POLD3: variants seen among roughly 807,000 people sequenced by gnomAD.
POLD3 encodes the protein DNA polymerase delta 3, accessory subunit.
Under a neutral mutation model 58.2 loss-of-function variants are expected in POLD3, and 19 were observed. The observed-to-expected ratio is 0.33, with a 90% CI of 0.23 to 0.48. The LOEUF is 0.48. Among genes scored for constraint, POLD3 ranks in the 20% least tolerant of loss-of-function variants. The pLI is 0.99. For synonymous variants in POLD3, 172 were observed against 193.5 expected, an observed-to-expected ratio of 0.89 and a Z score of 0.92; for missense variants, 504 against 545.5, an observed-to-expected ratio of 0.92 and a Z score of 0.76.
At chr11:74,651,003 C>G (rs773517902) in intron 4 of POLD3, among the ~76,000 whole-genome samples, 4 of 152,174 alleles carry the variant, frequency 2.6e-5, no homozygotes, top group Non-Finnish European at 4.4e-5. Flanking sequence ...CACTTGGACG[C>G]AGAAAGCACG....
intron 10 of POLD3, among the ~76,000 whole-genome samples, chr11:74,635,886 C>G (rs889043249): frequency 6.6e-6 from 1 of 152,164 alleles, no homozygotes; most frequent in Non-Finnish European, 1.5e-5. Context: ...GGTCCTTATC[C>G]TATATGTCTT....
intron 11 of POLD3, among the ~76,000 whole-genome samples, chr11:74,637,692 A>G (rs757343076): frequency 2.5e-4 from 38 of 152,098 alleles, no homozygotes; most frequent in Non-Finnish European, 5.0e-4. Flanking sequence ...TTTGTTTAAA[A>G]TATAGTACTC....
At chr11:74,623,250 G>A (rs750120770) in intron 7 of POLD3, among the ~76,000 whole-genome samples, 23 of 151,988 alleles carry the variant, frequency 1.5e-4, no homozygotes, top group Non-Finnish European at 3.2e-4. Context: ...TGGCTAACAC[G>A]GTGAAACCCC....
At chr11:74,598,070 A>G (rs2031341550) in intron 2 of POLD3, among the ~76,000 whole-genome samples, 1 of 152,164 alleles carries the variant, frequency 6.6e-6, no homozygotes, top group Non-Finnish European at 1.5e-5. Context: ...CTATCTCTAA[A>G]AGAGAAAGAG....
At chr11:74,665,378 G>C (rs1176462464) in intron 4 of POLD3, among the ~76,000 whole-genome samples, 38 of 135,756 alleles carry the variant, frequency 2.8e-4, no homozygotes, top group African/African-American at 1.0e-3. Flanking sequence ...ACAAAATCTA[G>C]CACCCTTTTA....
intron 9 of POLD3, 45 bp from the exon 10 acceptor site, chr11:74,634,538 A>T (rs772110465): frequency 2.0e-6 from 2 of 1,016,828 alleles, no homozygotes; most frequent in Non-Finnish European, 3.1e-6. Context: ...TTTATACCAG[A>T]TAGTGCTTGT....
Position 74,613,019 on chromosome 11 carries a change from C to T in POLD3, c.392+9C>T. On this transcript the variant is annotated intron_variant, in intron 5 of 11. Transcript: ENST00000263681. ...TTGCAGAACTGCAGCAAGTAAGCGT[C>T]TTAATGTTCCTTGTGGGCTTCTTTA... is the stretch of plus-strand genomic sequence containing the variant. 1 of 1,605,298 alleles carries T rather than the reference C, an allele frequency of 6.2e-7. No individual in the cohort carries two copies. The highest frequency in any genetic ancestry group is 2.2e-5 in the East Asian group (1 of 44,794).
In POLD3 at chr11:74,611,465, C is replaced by T. The variant is rs772205054; in HGVS notation, c.220-34C>T. ...AGGAAACTAAAATTGCAGATTCTTA[C>T]ATTAAGCACTAATAAAGTGTTATTT... On this transcript the variant is annotated intron_variant, in intron 3 of 11. Coordinates refer to ENST00000263681, the MANE Select transcript of POLD3 (RefSeq NM_006591.3). The T allele has an allele frequency of 7.4e-6, 10 of 1,354,784 alleles. No homozygotes were observed. The East Asian group carries it at 2.1e-4, about 29-fold the overall frequency. The allele number at this position is 1,354,784 out of a possible 1,614,324, so 83.9% of individuals were successfully genotyped here.
chr11:74,619,829 C>A (rs550383183), intron 6 of POLD3, among the ~76,000 whole-genome samples, 188 bp from the exon 7 acceptor site: 16 of 152,236 alleles, frequency 1.1e-4, no homozygotes, highest in African/African-American at 3.9e-4. Flanking sequence ...GAGATTAACA[C>A]CAGTTACTGT....
rs916747269 is a variant in POLD3, at chr11:74,641,467, A to G, written c.*701A>G. The stretch of plus-strand genomic sequence containing the variant: ...AGCCTCAGGCAGAACACAAATAGAA[A>G]TTTAATGATGTGTTCAACTCCACCA... On this transcript the variant is annotated 3_prime_UTR_variant, in exon 12 of 12. Coordinates refer to ENST00000263681, the MANE Select transcript of POLD3 (RefSeq NM_006591.3). 1.0e-6 allele frequency: 1 copy of G among 985,316 alleles called. No homozygotes were observed. The highest frequency in any genetic ancestry group is 1.7e-5 in the African/African-American group (1 of 57,204). The allele number at this position is 985,316 out of a possible 1,614,324, so 61.0% of individuals were successfully genotyped here. A position where few individuals can be genotyped will look rare whatever the true frequency, so the allele number is the denominator to read the frequency against.
At chr11:74,606,640 T>G (rs1010590384) in intron 3 of POLD3, among the ~76,000 whole-genome samples, 1 of 152,212 alleles carries the variant, frequency 6.6e-6, no homozygotes, top group Non-Finnish European at 1.5e-5. Context: ...ACTGACCCAT[T>G]ATAACAGGGG....
At position 74,640,989 on chromosome 11, in the gene POLD3, GCA is replaced by G. The variant is rs569013719; in HGVS notation, c.*226_*227del. The G allele has an allele frequency of 1.3e-4, 160 of 1,230,606 alleles. No homozygotes were observed. In the African/African-American group the frequency reaches 2.3e-3, roughly 17 times the overall value. The allele number at this position is 1,230,606 out of a possible 1,614,324, so 76.2% of individuals were successfully genotyped here. A position where few individuals can be genotyped will look rare whatever the true frequency, so the allele number is the denominator to read the frequency against. ...GTTACCTTCTAATGACATTTAAAAA[GCA>G]CAGTCTTTGACCTGTCCAGGAGAAG... On this transcript the variant is annotated 3_prime_UTR_variant, in exon 12 of 12. Coordinates refer to ENST00000263681, the MANE Select transcript of POLD3 (RefSeq NM_006591.3).
In POLD3 at chr11:74,641,144, T is replaced by G; in HGVS notation, c.*378T>G. On this transcript the variant is annotated 3_prime_UTR_variant, in exon 12 of 12. Transcript: ENST00000263681. ...ATGGCACAGGAATTATTCCTTCTTG[T>G]TCCTCTGTATTCTAAGAATTCATGT... 2.0e-6 allele frequency: 2 copies of G among 991,244 alleles called. No homozygotes were observed. Among genetic ancestry groups the G allele is most frequent in the Non-Finnish European group, 2.4e-6 (2 of 833,932 alleles). The allele number at this position is 991,244 out of a possible 1,614,324, so 61.4% of individuals were successfully genotyped here. A position where few individuals can be genotyped will look rare whatever the true frequency, so the allele number is the denominator to read the frequency against.
chr11:74,618,466 TTTC>T (rs1007053670), intron 5 of POLD3, 68 bp from the exon 6 acceptor site: 11 of 1,132,838 alleles, frequency 9.7e-6, no homozygotes, highest in Non-Finnish European at 1.3e-5. Flanking sequence ...TAGTTTTTTT[TTTC>T]TTTTTTTGTT....
intron 9 of POLD3, among the ~76,000 whole-genome samples, chr11:74,631,820 A>G (rs1174552306): frequency 6.6e-6 from 1 of 151,988 alleles, no homozygotes; most frequent in Non-Finnish European, 1.5e-5. Flanking sequence ...ACAAGTTCAG[A>G]TAGTTTTCTT....
intron 11 of POLD3, among the ~76,000 whole-genome samples, chr11:74,636,664 G>A (rs2032759176): frequency 6.6e-6 from 1 of 152,018 alleles, no homozygotes; most frequent in Non-Finnish European, 1.5e-5. Flanking sequence ...ACATTGAGAA[G>A]CTTTTTTTTT....
rs751368869 is a variant in POLD3, at chr11:74,625,451, A to C, written c.777A>C (p.Glu259Asp). Residue 259 changes from glutamate to aspartate, a missense_variant, in exon 8 of 12, where the codon GAA becomes GAC. Coordinates refer to ENST00000263681, the MANE Select transcript of POLD3 (RefSeq NM_006591.3). ...TGGACTCAGAACAAGCAGTGAAAGA[A>C]GAAAAAATAGTGGAGCAGCCTACAG... ...VNLDSEQAVK[E>D]EKIVEQPTVS... 2.5e-6 allele frequency: 4 copies of C among 1,613,436 alleles called. No individual in the cohort carries two copies. Among genetic ancestry groups the C allele is most frequent in the African/African-American group, 2.7e-5 (2 of 74,884 alleles).
downstream of POLD3, among the ~76,000 whole-genome samples, chr11:74,644,024 C>A (rs1429987403): frequency 6.6e-6 from 1 of 152,112 alleles, no homozygotes; most frequent in Non-Finnish European, 1.5e-5. Flanking sequence ...GCTGGTATTT[C>A]TTCTTTGACA....
At chr11:74,651,892 G>C in intron 4 of POLD3, among the ~76,000 whole-genome samples, 1 of 152,274 alleles carries the variant, frequency 6.6e-6, no homozygotes, top group Middle Eastern at 3.4e-3. Context: ...CATTACAAAG[G>C]CTTTACTAGT....
Sources: gnomAD v4.1 joint callset for allele counts (sites outside exome capture counted in the v4.1 genomes callset) on GRCh38, gnomAD v4.1.1 for gene constraint, MANE v1.5 for transcripts, NCBI Gene and HGNC (gene_info 2026-07-23, HGNC 2026-07-21) for gene names.